Variants in ZNF879 observed in about 807,000 individuals in gnomAD.
The protein encoded by ZNF879 is zinc finger protein 879.
Under a neutral mutation model 44.3 loss-of-function variants are expected in ZNF879, and 32 were observed. The observed-to-expected ratio is 0.72, with a 90% CI of 0.54 to 0.97. ZNF879 has a LOEUF of 0.97. Among genes scored for constraint, ZNF879 ranks in the 50% least tolerant of loss-of-function variants. ZNF879 has a pLI of 0.00. For synonymous variants in ZNF879, 234 were observed against 233.2 expected (o/e 1.00, Z -0.03); for missense variants, 621 against 669.7 (o/e 0.93, Z 0.80).
intron 4 of ZNF879, 48 bp downstream of exon 4, chr5:179,028,175 C>T (rs750315625): frequency 1.3e-6 from 2 of 1,514,636 alleles, no homozygotes; most frequent in Admixed American, 3.9e-5. Flanking sequence ...TTCCCACTGC[C>T]AGGGCACAGC....
intron 3 of ZNF879, 43 bp downstream of exon 3, chr5:179,027,642 C>T (rs1478019864): frequency 5.6e-6 from 9 of 1,602,418 alleles, no homozygotes; most frequent in Non-Finnish European, 7.7e-6. Context: ...CAGGAGAGCA[C>T]CTTAGCACCC....
At chr5:179,026,083 C>CAA (rs1337124096) in intron 2 of ZNF879, among the ~76,000 whole-genome samples, 3 of 57,986 alleles carry the variant, frequency 5.2e-5, no homozygotes, top group Non-Finnish European at 1.2e-4. Flanking sequence ...GACTCCATCT[C>CAA]AAAAAAAAAA....
chr5:179,024,728 T>G (rs934821807), intron 1 of ZNF879: 2 of 488,496 alleles, frequency 4.1e-6, no homozygotes, highest in African/African-American at 3.8e-5. Flanking sequence ...GCAGATGGTC[T>G]TCATCCCTTC....
Position 179,033,479 on chromosome 5 carries a change from C to T in ZNF879, c.1531C>T (p.Pro511Ser). ...QHQRIHTGEK[P>S]YNCKVCGKAF... Reference sequence around the variant, plus strand: ...CCAGAGAATTCATACTGGAGAGAAACCATATAATTGTAAAGTGTGTGGGAA... The same window carrying T: ...CCAGAGAATTCATACTGGAGAGAAATCATATAATTGTAAAGTGTGTGGGAA... The change falls in exon 5 of 5, where the codon CCA (proline) becomes TCA (serine). Residue 511 changes from proline (P) to serine (S), a missense_variant. By Grantham distance (74) the Pro-to-Ser change is moderately conservative. Transcript: ENST00000444149. 7.0e-6 allele frequency: 11 copies of T among 1,564,746 alleles called. No individual in the cohort carries two copies. The highest frequency in any genetic ancestry group is 9.5e-6 in the Non-Finnish European group (11 of 1,154,698).
At chr5:179,024,147 C>A (rs1458052183) in intron 1 of ZNF879, among the ~76,000 whole-genome samples, 1 of 152,194 alleles carries the variant, frequency 6.6e-6, no homozygotes, top group Admixed American at 6.5e-5. Context: ...CCGGGGGAAA[C>A]GGCTCCAGAA....
intron 3 of ZNF879, 46 bp from the exon 4 acceptor site, chr5:179,027,986 C>T (rs1248191973): frequency 7.2e-6 from 11 of 1,521,532 alleles, no homozygotes; most frequent in East Asian, 2.5e-5. Context: ...GGGCTGGACC[C>T]GCCTGCTACG....
chr5:179,032,223 G>C lies in ZNF879; in HGVS notation c.275G>C (p.Gly92Ala), dbSNP rs796526997. The change falls in exon 5 of 5, where the codon GGA (glycine) becomes GCA (alanine). Residue 92 changes from glycine (G) to alanine (A), a missense_variant. Coordinates refer to ENST00000444149, the MANE Select transcript of ZNF879 (RefSeq NM_001136116.3). The part of the protein sequence containing the change: ...GAHLGWESLF[G>A]TIVSKEENQE... ...ACTTTAGGATGGGAAAGCTTGTTTG[G>C]AACCATAGTTTCTAAAGAAGAAAAT... is the stretch of plus-strand genomic sequence containing the variant. The C allele has an allele frequency of 2.6e-6, 4 of 1,520,590 alleles. No individual in the cohort carries two copies. Among genetic ancestry groups the C allele is most frequent in the African/African-American group, 2.8e-5 (2 of 71,130 alleles). The allele number at this position is 1,520,590 out of a possible 1,614,324, so 94.2% of individuals were successfully genotyped here.
At chr5:179,025,301 C>T (rs1761233343) in intron 2 of ZNF879, among the ~76,000 whole-genome samples, 1 of 151,772 alleles carries the variant, frequency 6.6e-6, no homozygotes, top group Non-Finnish European at 1.5e-5. Context: ...CTCACTGCAG[C>T]CTCAACCTCC....
At chr5:179,026,269 G>C (rs1761267016) in intron 2 of ZNF879, among the ~76,000 whole-genome samples, 1 of 152,016 alleles carries the variant, frequency 6.6e-6, no homozygotes, top group South Asian at 2.1e-4. Flanking sequence ...TGAACTACTG[G>C]GCAGCATGTA....
At chr5:179,024,854 G>A (rs1269169565) in intron 1 of ZNF879, 116 bp from the exon 2 acceptor site, 4 of 807,010 alleles carry the variant, frequency 5.0e-6, no homozygotes, top group Non-Finnish European at 8.0e-6. Context: ...GGCCTGGGCA[G>A]TTCCAGGCTC....
chr5:179,032,777 G>T lies in ZNF879; in HGVS notation c.829G>T (p.Gly277Ter). The T allele has an allele frequency of 6.4e-7, 1 of 1,553,920 alleles. No homozygotes were observed. Among genetic ancestry groups the T allele is most frequent in the Non-Finnish European group, 8.7e-7 (1 of 1,148,588 alleles). ...CTTCAGTTTCACCACATCTCTTATT[G>T]GACACCAGAGAATGCATACTGGAGA... ...KAFSFTTSLI[G>*]HQRMHTGERP... The change falls in exon 5 of 5, where the codon GGA (glycine) becomes TGA (stop). Residue 277 changes from glycine (G) to a stop codon, truncating the protein, a stop_gained. Transcript: ENST00000444149. LOFTEE classifies it high-confidence loss of function.
intron 1 of ZNF879, 65 bp from the exon 2 acceptor site, chr5:179,024,905 T>A: frequency 1.5e-6 from 2 of 1,291,772 alleles, no homozygotes; most frequent in Non-Finnish European, 2.2e-6. Context: ...TAACCTGGTC[T>A]GGCCTAATGA....
In ZNF879 at chr5:179,032,400, A is replaced by G. The variant is rs1761442035; in HGVS notation, c.452A>G (p.Lys151Arg). 1.3e-6 allele frequency: 2 copies of G among 1,551,328 alleles called. No individual in the cohort carries two copies. The highest frequency in any genetic ancestry group is 2.0e-5 in the Admixed American group (1 of 50,928). The part of the protein sequence containing the change: ...VLVTIKKVYM[K>R]ERSFKGVEFG... ...GTTACCATCAAAAAAGTCTACATGA[A>G]GGAGAGGAGCTTTAAAGGTGTTGAA... The change falls in exon 5 of 5, where the codon AAG (lysine) becomes AGG (arginine). Residue 151 changes from lysine to arginine, a missense_variant. Transcript: ENST00000444149.
intron 4 of ZNF879, among the ~76,000 whole-genome samples, chr5:179,031,364 A>G (rs1761413422): frequency 6.6e-6 from 1 of 152,112 alleles, no homozygotes. Context: ...GCTATCATGG[A>G]CTGCTATATG....
rs373329459 is a variant in ZNF879 at position 179,033,151 on chromosome 5, A to G, written c.1203A>G (p.Ala401=). The G allele has an allele frequency of 3.4e-5, 54 of 1,590,096 alleles. No individual in the cohort carries two copies. The South Asian group carries it at 3.4e-4, about 10-fold the overall frequency. Residue 401 remains alanine (A), a synonymous_variant, in exon 5 of 5, where the codon GCA becomes GCG. Transcript: ENST00000444149. ...QRIHTGEKPY[A]CKECGKAFSQ... ...TTCACACTGGTGAGAAACCATATGC[A>G]TGCAAAGAATGTGGGAAAGCCTTCA...
At chr5:179,030,300 CAAGTGTAG>C (rs1356892349) in intron 4 of ZNF879, among the ~76,000 whole-genome samples, 2 of 152,070 alleles carry the variant, frequency 1.3e-5, no homozygotes, top group African/African-American at 4.8e-5. Flanking sequence ...AAATCAATTC[CAAGTGTAG>C]AAATGTTAAG....
Position 179,029,256 on chromosome 5 carries a change from C to T in ZNF879, c.256+1129C>T, listed in dbSNP as rs536553519. Among the ~76,000 whole-genome samples, 4 of 152,184 alleles carry T rather than the reference C, an allele frequency of 2.6e-5. No homozygotes were observed. In the South Asian group the frequency reaches 8.3e-4, roughly 32 times the overall value. On this transcript the variant is annotated intron_variant, in intron 4 of 4. Transcript: ENST00000444149. ...GTCTTCTCTTTGGAATCTTACAGGA[C>T]ATCATCTTTATCTTTGGAATTCAGA...
intron 4 of ZNF879, among the ~76,000 whole-genome samples, chr5:179,030,414 T>C (rs1048566037): frequency 2.0e-5 from 3 of 152,174 alleles, no homozygotes; most frequent in Non-Finnish European, 2.9e-5. Flanking sequence ...AGGAGGAGGG[T>C]AAATGACTCT....
chr5:179,026,528 G>A (rs1204638400), intron 2 of ZNF879, among the ~76,000 whole-genome samples: 1 of 152,146 alleles, frequency 6.6e-6, no homozygotes, highest in Admixed American at 6.5e-5. Flanking sequence ...TGTTGCCCAG[G>A]CTGGAGTGCA....
Sources: gnomAD v4.1 joint callset for allele counts (sites outside exome capture counted in the v4.1 genomes callset) on GRCh38, gnomAD v4.1.1 for gene constraint, MANE v1.5 for transcripts, NCBI Gene and HGNC (gene_info 2026-07-23, HGNC 2026-07-21) for gene names.